NCKAP5: variants seen among roughly 807,000 people sequenced by gnomAD.
The protein encoded by NCKAP5 is NCK associated protein 5, also known as nck-associated protein 5.
NCKAP5 carries 92 observed loss-of-function variants against 167.0 expected under a neutral mutation model. That is an observed-to-expected ratio of 0.55 (90% CI 0.47 to 0.66). The LOEUF is 0.66. NCKAP5 is among the 30% of genes least tolerant of loss of function. The pLI, the probability that NCKAP5 is intolerant of heterozygous loss-of-function variation, is 0.00. For missense variants in NCKAP5, 2,378 were observed against 2,315.0 expected (o/e 1.03, Z -0.56); for synonymous variants, 891 against 877.4 (o/e 1.02, Z -0.27).
chr2:133,144,767 G>A (rs1391280776), intron 5 of NCKAP5, among the ~76,000 whole-genome samples: 1 of 152,078 alleles, frequency 6.6e-6, no homozygotes, highest in Non-Finnish European at 1.5e-5. Context: ...CTTTGGTGTT[G>A]AACCATTAGC....
the NCKAP5 span, among the ~76,000 whole-genome samples, chr2:133,650,120 G>A: frequency 6.6e-6 from 1 of 152,078 alleles, no homozygotes; most frequent in Non-Finnish European, 1.5e-5. Context: ...ATTTACAATA[G>A]CACCGAAAAG....
At chr2:133,234,855 A>T (rs996776345) in intron 4 of NCKAP5, among the ~76,000 whole-genome samples, 1 of 151,372 alleles carries the variant, frequency 6.6e-6, no homozygotes. Flanking sequence ...ACATTTAGAC[A>T]CAGTAAGCAA....
At chr2:133,093,149 A>T (rs897636597) in intron 6 of NCKAP5, among the ~76,000 whole-genome samples, 3 of 152,244 alleles carry the variant, frequency 2.0e-5, no homozygotes, top group African/African-American at 7.2e-5. Flanking sequence ...TAAGCAATAA[A>T]TATTAGCTGT....
At chr2:133,538,862 C>A (rs891158120) in intron 2 of NCKAP5, among the ~76,000 whole-genome samples, 19 of 149,060 alleles carry the variant, frequency 1.3e-4, no homozygotes. Context: ...TGAACCAAGT[C>A]ACTTGATAGC....
At chr2:132,948,183 G>C (rs746769498) in intron 8 of NCKAP5, among the ~76,000 whole-genome samples, 2 of 152,012 alleles carry the variant, frequency 1.3e-5, no homozygotes, top group African/African-American at 4.8e-5. Context: ...ATTTTCTATC[G>C]ATGTACCCTT....
At chr2:132,775,523 GC>G (rs1276801567) in intron 15 of NCKAP5, among the ~76,000 whole-genome samples, 2 of 152,172 alleles carry the variant, frequency 1.3e-5, no homozygotes, top group Non-Finnish European at 2.9e-5. Context: ...TTTGTTAGCA[GC>G]TCCACAGAAA....
chr2:133,496,673 C>A (rs1681977261), intron 3 of NCKAP5, among the ~76,000 whole-genome samples: 1 of 152,120 alleles, frequency 6.6e-6, no homozygotes, highest in South Asian at 2.1e-4. Flanking sequence ...ATCAGAAACT[C>A]TGGGGTTAGA....
chr2:132,849,051 G>A (rs1688885357), intron 11 of NCKAP5, among the ~76,000 whole-genome samples: 1 of 152,158 alleles, frequency 6.6e-6, no homozygotes, highest in African/African-American at 2.4e-5. Flanking sequence ...CAGTTATGAT[G>A]CAGATGATCA....
intron 3 of NCKAP5, among the ~76,000 whole-genome samples, chr2:133,377,471 G>C (rs1686227346): frequency 6.6e-6 from 1 of 152,072 alleles, no homozygotes; most frequent in Admixed American, 6.6e-5. Context: ...AAGCAAGTAG[G>C]AAAGAATAAA....
chr2:132,879,782 T>A (rs1269045427), intron 8 of NCKAP5, among the ~76,000 whole-genome samples: 1 of 152,154 alleles, frequency 6.6e-6, no homozygotes, highest in Non-Finnish European at 1.5e-5. Flanking sequence ...GAAGTAGGGG[T>A]ATAGTAATCT....
chr2:133,384,324 C>G (rs951707596), intron 3 of NCKAP5, among the ~76,000 whole-genome samples: 1 of 152,164 alleles, frequency 6.6e-6, no homozygotes, highest in African/African-American at 2.4e-5. Context: ...ATCCTTTCCC[C>G]ATTTCTTGTT....
At position 132,731,912 on chromosome 2, in the gene NCKAP5, T is replaced by C. The variant is rs1691046433; in HGVS notation, c.5268A>G (p.Ser1756=). 6.2e-7 allele frequency: 1 copy of C among 1,613,784 alleles called. No homozygotes were observed. The highest frequency in any genetic ancestry group is 8.5e-7 in the Non-Finnish European group (1 of 1,179,880). ...TCATGGAAGAAACTGCAGAAAGGGC[T>C]GACTGGAGAGGCAGGAGAGGCTCAG... ...EDAEPLLPLQ[S]ALSAVSSMRA... The change falls in exon 17 of 20, where the codon TCA becomes TCG. Residue 1756 remains serine, a synonymous_variant. Transcript: ENST00000409261.
chr2:132,904,287 AAAAT>A (rs1038014977), intron 8 of NCKAP5, among the ~76,000 whole-genome samples: 27 of 151,638 alleles, frequency 1.8e-4, no homozygotes, highest in African/African-American at 6.3e-4. Flanking sequence ...GACTGTCTCA[AAAAT>A]AAATAAATAA....
At chr2:133,269,191 G>A (rs1226046487) in intron 4 of NCKAP5, 1 of 152,090 alleles carries the variant, frequency 6.6e-6, no homozygotes, top group Non-Finnish European at 1.5e-5. Flanking sequence ...ATTATTTATT[G>A]AACAATCACT....
At chr2:133,555,160 GGGACTCTATAA>G (rs1275792272) in intron 2 of NCKAP5, among the ~76,000 whole-genome samples, 2 of 152,084 alleles carry the variant, frequency 1.3e-5, no homozygotes, top group Admixed American at 6.5e-5. Context: ...GTGTTCCATT[GGGACTCTATAA>G]TGAACCTGCT....
At chr2:133,032,798 G>A (rs1214173897) in intron 6 of NCKAP5, among the ~76,000 whole-genome samples, 2 of 152,124 alleles carry the variant, frequency 1.3e-5, no homozygotes, top group East Asian at 1.9e-4. Context: ...AGCATGGTTG[G>A]GGAGGCCTCA....
the NCKAP5 span, among the ~76,000 whole-genome samples, chr2:133,592,616 A>G: frequency 1.3e-5 from 2 of 152,220 alleles, no homozygotes; most frequent in Non-Finnish European, 2.9e-5. Flanking sequence ...GAAGTCTCCA[A>G]TTTCAGCCAT....
chr2:132,716,430 C>A (rs543144452), intron 19 of NCKAP5, among the ~76,000 whole-genome samples: 1 of 152,182 alleles, frequency 6.6e-6, no homozygotes, highest in African/African-American at 2.4e-5. Context: ...TCAGCCCTGG[C>A]GGCCAAAGCC....
chr2:133,208,784 T>C (rs2086076325), intron 5 of NCKAP5, among the ~76,000 whole-genome samples: 1 of 152,194 alleles, frequency 6.6e-6, no homozygotes, highest in South Asian at 2.1e-4. Context: ...CTCTAGACTA[T>C]ATTTGCAATT....
Sources: gnomAD v4.1 joint callset for allele counts (sites outside exome capture counted in the v4.1 genomes callset) on GRCh38, gnomAD v4.1.1 for gene constraint, MANE v1.5 for transcripts, NCBI Gene and HGNC (gene_info 2026-07-23, HGNC 2026-07-21) for gene names.